Variants in CNTN4 observed in about 807,000 individuals in gnomAD.
CNTN4 encodes the protein contactin-4.
CNTN4 carries 77 observed loss-of-function variants against 122.5 expected under a neutral mutation model. The observed-to-expected ratio is 0.63, with a 90% confidence interval of 0.52 to 0.76. The LOEUF is 0.76. CNTN4 is among the 30% of genes least tolerant of loss of function. CNTN4 has a pLI of 0.00. For missense variants in CNTN4, 1,256 were observed against 1,259.1 expected, an observed-to-expected ratio of 1.00 and a Z score of 0.04; for synonymous variants, 512 against 447.0, an observed-to-expected ratio of 1.15 and a Z score of -1.83.
rs531741375 is a variant in CNTN4 at position 2,781,884 on chromosome 3, C to A, written c.358+36187C>A. Among the ~76,000 whole-genome samples, 613 of 72,676 alleles carry A rather than the reference C, an allele frequency of 8.4e-3. 53 individuals carry two copies. Among genetic ancestry groups the A allele is most frequent in the African/African-American group, 0.023 (559 of 24,652 alleles). The allele number at this position is 72,676 out of a possible 152,430, so 47.7% of individuals were successfully genotyped here. The stretch of plus-strand genomic sequence containing the variant: ...GGACTGCAGGCGCCCGCACCACGCC[C>A]GGCTAATTTTTTGTATTTTTAGTAG... On this transcript the variant is annotated intron_variant, in intron 6 of 24. Coordinates refer to ENST00000418658, the MANE Select transcript of CNTN4 (RefSeq NM_175607.3).
intron 3 of CNTN4, among the ~76,000 whole-genome samples, chr3:2,449,780 C>G (rs1023897579): frequency 1.3e-5 from 2 of 152,074 alleles, no homozygotes; most frequent in Non-Finnish European, 2.9e-5. Flanking sequence ...ATAATGAAAT[C>G]TTGCTATTTA....
At chr3:2,970,002 A>G (rs1692734517) in intron 13 of CNTN4, among the ~76,000 whole-genome samples, 1 of 152,096 alleles carries the variant, frequency 6.6e-6, no homozygotes, top group African/African-American at 2.4e-5. Context: ...AGGAGTACCA[A>G]CCCTCTGCAC....
intron 3 of CNTN4, among the ~76,000 whole-genome samples, chr3:2,360,012 G>C (rs62244050): frequency 0.15 from 22,270 of 152,198 alleles, 1,743 homozygotes; most frequent in Non-Finnish European, 0.17. Context: ...TTAATCTACA[G>C]ACTTAGAAGG....
rs1307810051 is a variant in CNTN4, at chr3:2,385,857, C to T, written c.-89+46624C>T. Reference sequence around the variant, plus strand: ...CACGTACCAGGGGTCAAGACTTCAACACATCTTTTTAGCGACACAATTCAA... The same window carrying T: ...CACGTACCAGGGGTCAAGACTTCAATACATCTTTTTAGCGACACAATTCAA... On this transcript the variant is annotated intron_variant, in intron 3 of 24. Transcript: ENST00000418658. This position sits in a 1 kb window ranked among gnomAD's most constrained non-coding sequence, Gnocchi z 4.0. Among the ~76,000 whole-genome samples the T allele has an allele frequency of 6.6e-6, 1 of 152,038 alleles. No individual in the cohort carries two copies. Among genetic ancestry groups the T allele is most frequent in the East Asian group, 1.9e-4 (1 of 5,182 alleles).
chr3:2,390,053 G>A (rs1229969920), intron 3 of CNTN4, among the ~76,000 whole-genome samples: 1 of 151,820 alleles, frequency 6.6e-6, no homozygotes, highest in African/African-American at 2.4e-5. Flanking sequence ...ATATGAATAG[G>A]GTGTTTACAT....
At position 2,788,342 on chromosome 3, in the gene CNTN4, T is replaced by C. The variant is rs2091905504; in HGVS notation, c.359-31144T>C. The stretch of plus-strand genomic sequence containing the variant: ...CCACTCATTTCACTGTATGATATAA[T>C]TTGGAATTATTTAACCCAATGGAAT... On this transcript the variant is annotated intron_variant, in intron 6 of 24. Coordinates refer to ENST00000418658, the MANE Select transcript of CNTN4 (RefSeq NM_175607.3). Among the ~76,000 whole-genome samples, 4 of 152,280 alleles carry C rather than the reference T, an allele frequency of 2.6e-5. No individual in the cohort carries two copies. In the South Asian group the frequency reaches 8.3e-4, roughly 32 times the overall value.
intron 3 of CNTN4, among the ~76,000 whole-genome samples, chr3:2,408,767 T>G (rs537563215): frequency 2.0e-5 from 3 of 152,234 alleles, no homozygotes; most frequent in East Asian, 1.9e-4. Flanking sequence ...GAATAAAATG[T>G]GGTGTTAGTA....
intron 6 of CNTN4, among the ~76,000 whole-genome samples, chr3:2,804,860 G>C (rs775849390): frequency 2.2e-4 from 33 of 152,050 alleles, no homozygotes; most frequent in Admixed American, 5.2e-4. Flanking sequence ...ACCATGCCCG[G>C]CTATTTTAGG....
At position 2,562,601 on chromosome 3, in the gene CNTN4, G is replaced by A. The variant is rs1358394808; in HGVS notation, c.-88-8815G>A. 2.0e-5 allele frequency among the ~76,000 whole-genome samples: 3 copies of A among 151,960 alleles called. No individual in the cohort carries two copies. In the East Asian group the frequency reaches 5.8e-4, roughly 29 times the overall value. On this transcript the variant is annotated intron_variant, in intron 3 of 24. Coordinates refer to ENST00000418658, the MANE Select transcript of CNTN4 (RefSeq NM_175607.3). ...TTGCATAGTATTCCGTGGTGTGTAT[G>A]CACCAAATTTTCTTTAATCCACCAT...
intron 2 of CNTN4, among the ~76,000 whole-genome samples, chr3:2,103,399 C>A (rs2032157689): frequency 6.6e-6 from 1 of 152,130 alleles, no homozygotes; most frequent in South Asian, 2.1e-4. Context: ...TAAAGTAACT[C>A]CCCCCACTTA....
chr3:3,037,121 C>A (rs1161713330), intron 17 of CNTN4, 58 bp from the exon 18 acceptor site: 1 of 1,579,442 alleles, frequency 6.3e-7, no homozygotes, highest in Non-Finnish European at 8.7e-7. Context: ...CTAACGTAAT[C>A]TCTGCATTTG....
rs1576631084 is a variant in CNTN4, at chr3:2,742,562, AATCCTATAGATACCCTCCCAG to A, written c.183-2959_183-2939del. Reference sequence around the variant, plus strand: ...AAAGAAAGAGGATTTTGCTACAGCGAATCCTATAGATACCCTCCCAGCAAAGCCACAGCATTTTACCCTCCA... The same window carrying A: ...AAAGAAAGAGGATTTTGCTACAGCGACAAAGCCACAGCATTTTACCCTCCA... On this transcript the variant is annotated intron_variant, in intron 5 of 24. Coordinates refer to ENST00000418658, the MANE Select transcript of CNTN4 (RefSeq NM_175607.3). Among the ~76,000 whole-genome samples, 5 of 2,264 alleles carry A rather than the reference AATCCTATAGATACCCTCCCAG, an allele frequency of 2.2e-3. No homozygotes were observed. In the East Asian group the frequency reaches 0.045, roughly 21 times the overall value. The allele number at this position is 2,264 out of a possible 152,430, so 1.5% of individuals were successfully genotyped here. A position where few individuals can be genotyped will look rare whatever the true frequency, so the allele number is the denominator to read the frequency against.
At chr3:2,584,581 G>GT (rs2080093569) in intron 4 of CNTN4, among the ~76,000 whole-genome samples, 1 of 150,380 alleles carries the variant, frequency 6.6e-6, no homozygotes, top group Non-Finnish European at 1.5e-5. Flanking sequence ...GCAGGTGCTT[G>GT]TAGTCCCAGC....
At chr3:2,868,093 A>C (rs2093744341) in intron 8 of CNTN4, among the ~76,000 whole-genome samples, 1 of 152,186 alleles carries the variant, frequency 6.6e-6, no homozygotes, top group Non-Finnish European at 1.5e-5. Flanking sequence ...TATTATGAAC[A>C]GGAATGACGA....
chr3:2,902,818 G>A, intron 11 of CNTN4, 58 bp from the exon 12 acceptor site: 1 of 1,569,594 alleles, frequency 6.4e-7, no homozygotes, highest in Non-Finnish European at 8.7e-7. Context: ...TGGTAAAATT[G>A]CCTTAAAGTC....
chr3:2,207,361 G>C (rs1332624552), intron 2 of CNTN4, among the ~76,000 whole-genome samples: 4 of 152,102 alleles, frequency 2.6e-5, no homozygotes, highest in African/African-American at 4.8e-5. Flanking sequence ...CGAAAGCTGA[G>C]AGTAGGCCAA....
At chr3:2,104,974 A>G (rs1455963229) in intron 2 of CNTN4, among the ~76,000 whole-genome samples, 1 of 152,112 alleles carries the variant, frequency 6.6e-6, no homozygotes, top group Non-Finnish European at 1.5e-5. Flanking sequence ...CCATTTAAGG[A>G]TTGGAGCATG....
intron 2 of CNTN4, among the ~76,000 whole-genome samples, chr3:2,141,364 G>A (rs924629608): frequency 6.6e-6 from 1 of 152,066 alleles, no homozygotes; most frequent in African/African-American, 2.4e-5. Context: ...TGTGATTGCT[G>A]GCTTTGAAGA....
chr3:2,197,159 C>G (rs1011808757), intron 2 of CNTN4, among the ~76,000 whole-genome samples: 1 of 151,930 alleles, frequency 6.6e-6, no homozygotes, highest in Non-Finnish European at 1.5e-5. Context: ...ATTAAGGAAC[C>G]TTTACAATTT....
Sources: gnomAD v4.1 joint callset for allele counts (sites outside exome capture counted in the v4.1 genomes callset) on GRCh38, gnomAD v4.1.1 for gene constraint, Gnocchi (gnomAD v3.1) non-coding constraint, MANE v1.5 for transcripts, NCBI Gene and HGNC (gene_info 2026-07-23, HGNC 2026-07-21) for gene names.